The following NCOA1 variants were observed in gnomAD, a reference collection of about 807,000 sequenced individuals.
NCOA1 encodes the protein Hin-2 protein.
Under a neutral mutation model 150.9 loss-of-function variants are expected in NCOA1, and 35 were observed. That is an observed-to-expected ratio of 0.23 (90% CI 0.18 to 0.31). NCOA1 has a LOEUF of 0.31. Ranked by LOEUF, NCOA1 falls within the 10% of genes least tolerant of loss-of-function variation. The probability of loss-of-function intolerance (pLI) is 1.00; values close to 1 mark genes in which losing one functional copy is unlikely to be tolerated. For synonymous variants in NCOA1, 590 were observed against 630.0 expected (o/e 0.94, Z 0.95); for missense variants, 1,491 against 1,749.3 (o/e 0.85, Z 2.63).
chr2:24,503,510 C>T (rs972207944), intron 1 of NCOA1, among the ~76,000 whole-genome samples: 14 of 152,106 alleles, frequency 9.2e-5, no homozygotes, highest in African/African-American at 3.4e-4. Context: ...TATGGGGCAC[C>T]ATAAAGTAGT....
chr2:24,766,225 T>A (rs1165261210), intron 22 of NCOA1, among the ~76,000 whole-genome samples: 1 of 152,214 alleles, frequency 6.6e-6, no homozygotes, highest in East Asian at 1.9e-4. Flanking sequence ...AAAGTTTTAT[T>A]TTTAAAGAAG....
chr2:24,641,349 AATAC>A (rs1034771188), intron 3 of NCOA1, among the ~76,000 whole-genome samples: 3 of 151,620 alleles, frequency 2.0e-5, no homozygotes, highest in African/African-American at 7.3e-5. Context: ...TTTTAAAGAA[AATAC>A]ATACTTCTTT....
intron 1 of NCOA1, among the ~76,000 whole-genome samples, chr2:24,553,029 T>C (rs1189031074): frequency 6.6e-6 from 1 of 152,162 alleles, no homozygotes. Flanking sequence ...TACAGTACAT[T>C]GTTGAATAGG....
intron 1 of NCOA1, among the ~76,000 whole-genome samples, chr2:24,548,230 A>G (rs1665685494): frequency 6.6e-6 from 1 of 152,184 alleles, no homozygotes; most frequent in Admixed American, 6.5e-5. Flanking sequence ...GGAGCAAGTC[A>G]CGTCTTACAT....
At position 24,752,054 on chromosome 2, in the gene NCOA1, T is replaced by C. The variant is rs1220511331; in HGVS notation, c.3779T>C (p.Ile1260Thr). 11 of 1,614,010 alleles carry C rather than the reference T, an allele frequency of 6.8e-6. No individual in the cohort carries two copies. Among genetic ancestry groups the C allele is most frequent in the African/African-American group, 1.3e-5 (1 of 74,914 alleles). The change falls in exon 20 of 23, where the codon ATC (isoleucine) becomes ACC (threonine). Residue 1260 changes from isoleucine to threonine, a missense_variant. Transcript: ENST00000348332. ...SPGSSMVPMP[I>T]PPPQSSLLQQ... ...GGGAGCTCCATGGTGCCGATGCCAA[T>C]CCCTCCTCCTCAGAGTTCTCTTCTC...
intron 15 of NCOA1, among the ~76,000 whole-genome samples, chr2:24,727,157 A>G (rs1480841178): frequency 1.3e-5 from 2 of 151,476 alleles, no homozygotes; most frequent in African/African-American, 2.4e-5. Context: ...AAAAAAAAAA[A>G]AAAAAGGGTG....
chr2:24,539,934 A>G (rs2148190968), intron 1 of NCOA1, among the ~76,000 whole-genome samples: 1 of 152,330 alleles, frequency 6.6e-6, no homozygotes, highest in East Asian at 1.9e-4. Context: ...ATCTGTTTCC[A>G]TGTGAGAACT....
intron 1 of NCOA1, among the ~76,000 whole-genome samples, chr2:24,560,207 A>C (rs1666243135): frequency 6.6e-6 from 1 of 152,142 alleles, no homozygotes; most frequent in Non-Finnish European, 1.5e-5. Context: ...TTGGTCTTTA[A>C]GAATTTGTTA....
At chr2:24,681,432 A>T (rs545583417) in intron 7 of NCOA1, among the ~76,000 whole-genome samples, 4 of 152,358 alleles carry the variant, frequency 2.6e-5, no homozygotes, top group African/African-American at 9.6e-5. Context: ...AACTGATGAG[A>T]TAAGATAAAT....
intron 2 of NCOA1, among the ~76,000 whole-genome samples, chr2:24,576,173 T>TTTTTTTTTTTTTTTG (rs1666970549): frequency 2.4e-5 from 1 of 40,928 alleles, no homozygotes; most frequent in Non-Finnish European, 7.0e-5. Context: ...GTTTTTTGTT[T>TTTTTTTTTTTTTTTG]TTTTTTTTTT....
At chr2:24,514,160 C>CA (rs1664053458) in intron 1 of NCOA1, among the ~76,000 whole-genome samples, 1 of 151,632 alleles carries the variant, frequency 6.6e-6, no homozygotes, top group South Asian at 2.1e-4. Flanking sequence ...TGGTGGCACA[C>CA]ACCTGTAGTC....
At chr2:24,684,899 C>T (rs745419529) in intron 8 of NCOA1, among the ~76,000 whole-genome samples, 18 of 151,974 alleles carry the variant, frequency 1.2e-4, no homozygotes, top group Non-Finnish European at 2.1e-4. Context: ...TTCCAAAAAG[C>T]ATTTAGGAGA....
intron 20 of NCOA1, 36 bp from the exon 21 acceptor site, chr2:24,757,937 C>G (rs1394520919): frequency 1.2e-5 from 19 of 1,602,196 alleles, no homozygotes; most frequent in Non-Finnish European, 1.5e-5. Flanking sequence ...TGTTCATGAT[C>G]AGTGGATGTA....
At chr2:24,557,235 C>T (rs1666107537) in intron 1 of NCOA1, among the ~76,000 whole-genome samples, 1 of 151,984 alleles carries the variant, frequency 6.6e-6, no homozygotes, top group African/African-American at 2.4e-5. Flanking sequence ...ATATCTTTAA[C>T]TTATCACATT....
At chr2:24,576,170 G>GTTTTTTTGTTTTTGTTTTTGT (rs1666968831) in intron 2 of NCOA1, among the ~76,000 whole-genome samples, 2 of 46,330 alleles carry the variant, frequency 4.3e-5, no homozygotes, top group African/African-American at 1.3e-4. Flanking sequence ...TTTGTTTTTT[G>GTTTTTTTGTTTTTGTTTTTGT]TTTTTTTTTT....
chr2:24,644,581 G>C (rs1670376384), intron 4 of NCOA1, among the ~76,000 whole-genome samples: 1 of 151,914 alleles, frequency 6.6e-6, no homozygotes, highest in African/African-American at 2.4e-5. Context: ...GTCCATATGG[G>C]CATTTTTACA....
chr2:24,559,978 G>A (rs1208100757), intron 1 of NCOA1, among the ~76,000 whole-genome samples: 3 of 152,042 alleles, frequency 2.0e-5, no homozygotes, highest in Admixed American at 2.0e-4. Flanking sequence ...CTTTTTTTCT[G>A]TGTTGGAGAA....
intron 3 of NCOA1, among the ~76,000 whole-genome samples, chr2:24,607,124 A>G (rs754084825): frequency 6.6e-6 from 1 of 151,918 alleles, no homozygotes; most frequent in African/African-American, 2.4e-5. Flanking sequence ...GTTGTATAGC[A>G]TAATTTGGGA....
At chr2:24,673,292 T>A (rs569589321) in intron 6 of NCOA1, 74 bp from the exon 7 acceptor site, 2 of 1,021,526 alleles carry the variant, frequency 2.0e-6, no homozygotes, top group Non-Finnish European at 2.8e-6. Flanking sequence ...GGTGGATCTA[T>A]GTCTTCGTAA....
Sources: allele counts gnomAD v4.1 joint callset (sites outside exome capture counted in the v4.1 genomes callset), GRCh38; gene constraint gnomAD v4.1.1; transcripts MANE v1.5; gene names NCBI Gene and HGNC (gene_info 2026-07-23, HGNC 2026-07-21).